FZD3: variants seen among roughly 807,000 people sequenced by gnomAD.
The protein encoded by FZD3 is frizzled class receptor 3.
FZD3 carries 30 observed loss-of-function variants against 60.7 expected under a neutral mutation model. The observed-to-expected ratio is 0.49, with a 90% CI of 0.37 to 0.67. The LOEUF (loss-of-function observed/expected upper bound fraction) is 0.67, where lower values mean the gene tolerates loss of function less well. FZD3 is among the 30% of genes least tolerant of loss of function. The probability of loss-of-function intolerance (pLI) is 0.00; values close to 1 mark genes in which losing one functional copy is unlikely to be tolerated. For missense variants in FZD3, 605 were observed against 838.7 expected, an observed-to-expected ratio of 0.72 and a Z score of 3.44; for synonymous variants, 246 against 275.2, an observed-to-expected ratio of 0.89 and a Z score of 1.05.
rs11299885 is a variant in FZD3 at position 28,564,442 on chromosome 8, T to TA, written c.*1454dup. The TA allele has an allele frequency of 0.24, 26,287 of 111,840 alleles. 3,112 individuals are homozygous for TA. Among genetic ancestry groups the TA allele is most frequent in the East Asian group, 0.31 (1,124 of 3,638 alleles). 6.9% of individuals were successfully genotyped at this position (111,840 alleles called of 1,614,324 possible). ...TACAAATAAGAATTGGTAGCTTTCT[T>TA]AAAAAAAAAAAAAAAAAAAAAAAGC... On this transcript the variant is annotated 3_prime_UTR_variant, in exon 8 of 8. Coordinates refer to ENST00000240093, the MANE Select transcript of FZD3 (RefSeq NM_017412.4).
intron 7 of FZD3, among the ~76,000 whole-genome samples, chr8:28,560,439 C>A (rs1423566114): frequency 1.3e-5 from 2 of 152,028 alleles, no homozygotes; most frequent in Admixed American, 6.5e-5. Flanking sequence ...TCTTAATTAT[C>A]CATGGGCAGG....
At position 28,527,813 on chromosome 8, in the gene FZD3, A is replaced by C; in HGVS notation, c.1053A>C (p.Lys351Asn). 6.2e-7 allele frequency: 1 copy of C among 1,614,118 alleles called. No homozygotes were observed. Among genetic ancestry groups the C allele is most frequent in the South Asian group, 1.1e-5 (1 of 91,084 alleles). The change falls in exon 5 of 8, where the codon AAA becomes AAC. Residue 351 changes from lysine to asparagine, a missense_variant. By Grantham distance (94) the Lys-to-Asn change is moderately conservative. Transcript: ENST00000240093. This position sits in a 1 kb window ranked among gnomAD's most constrained non-coding sequence, Gnocchi z 5.0. ...TLTIILLAMN[K>N]IEGDNISGVC... ...CCATCATCCTTTTAGCGATGAATAA[A>C]ATTGAAGGTGACAATATTAGTGGCG... is the stretch of plus-strand genomic sequence containing the variant.
intron 7 of FZD3, among the ~76,000 whole-genome samples, chr8:28,558,392 G>A (rs1056459901): frequency 1.3e-5 from 2 of 151,484 alleles, no homozygotes; most frequent in East Asian, 1.9e-4. Context: ...TTTATTTGAC[G>A]TTATTGGCCT....
intron 5 of FZD3, among the ~76,000 whole-genome samples, chr8:28,543,912 A>G (rs1805234624): frequency 6.6e-6 from 1 of 152,028 alleles, no homozygotes; most frequent in Non-Finnish European, 1.5e-5. Context: ...CAACTCCTTA[A>G]TTTTCAGTGG....
rs113007280 is a variant in FZD3 at position 28,511,507 on chromosome 8, A to G, written c.189+8305A>G. 9.2e-3 allele frequency among the ~76,000 whole-genome samples: 1,399 copies of G among 152,284 alleles called. 25 individuals carry two copies. The highest frequency in any genetic ancestry group is 0.032 in the African/African-American group (1,312 of 41,548). ...CCATCTCACAAAAATAAAAAATAAA[A>G]TAACAGTGCCAATCCTTGCCTAGAG... is the stretch of plus-strand genomic sequence containing the variant. On this transcript the variant is annotated intron_variant, in intron 3 of 7. Coordinates refer to ENST00000240093, the MANE Select transcript of FZD3 (RefSeq NM_017412.4).
intron 1 of FZD3, among the ~76,000 whole-genome samples, chr8:28,494,592 C>T (rs1358318179): frequency 6.6e-6 from 1 of 151,964 alleles, no homozygotes; most frequent in Non-Finnish European, 1.5e-5. Flanking sequence ...GGCTGGGGGC[C>T]TCGGGGACGC....
Position 28,507,996 on chromosome 8 carries a change from A to G in FZD3, c.189+4794A>G, listed in dbSNP as rs973407156. On this transcript the variant is annotated intron_variant, in intron 3 of 7. Transcript: ENST00000240093. Reference sequence around the variant, plus strand: ...AGCCTGAAGCTCCTAAGCTCAAACAATCCCCCTACCTCAGCCTCCAAAGTA... The same window carrying G: ...AGCCTGAAGCTCCTAAGCTCAAACAGTCCCCCTACCTCAGCCTCCAAAGTA... 3.9e-5 allele frequency among the ~76,000 whole-genome samples: 6 copies of G among 152,054 alleles called. No individual in the cohort carries two copies. The East Asian group carries it at 7.7e-4, about 20-fold the overall frequency.
intron 7 of FZD3, among the ~76,000 whole-genome samples, chr8:28,557,637 G>C (rs1448606611): frequency 1.3e-5 from 2 of 151,982 alleles, no homozygotes; most frequent in African/African-American, 4.8e-5. Flanking sequence ...TGACTATTTT[G>C]AATATTTTTC....
At chr8:28,505,123 CG>C (rs1202420080) in intron 3 of FZD3, 1 of 154,746 alleles carries the variant, frequency 6.5e-6, no homozygotes, top group Non-Finnish European at 1.5e-5. Flanking sequence ...TAGCAAATGA[CG>C]TGGAAACTCA....
intron 5 of FZD3, among the ~76,000 whole-genome samples, chr8:28,541,984 T>G (rs937283029): frequency 6.6e-6 from 1 of 152,206 alleles, no homozygotes; most frequent in African/African-American, 2.4e-5. Context: ...TTCTTTAGTT[T>G]ATTTTCAACA....
intron 3 of FZD3, among the ~76,000 whole-genome samples, chr8:28,508,548 T>C (rs1259336614): frequency 6.6e-6 from 1 of 151,962 alleles, no homozygotes. Flanking sequence ...TCACCCAGGC[T>C]GTAGTGTAGT....
chr8:28,561,168 T>A (rs1805606381), intron 7 of FZD3, among the ~76,000 whole-genome samples: 1 of 152,182 alleles, frequency 6.6e-6, no homozygotes, highest in Admixed American at 6.5e-5. Flanking sequence ...GCAATTCTCC[T>A]GCCTTAGCCT....
chr8:28,525,499 A>G (rs1804693639), intron 4 of FZD3, among the ~76,000 whole-genome samples: 1 of 152,190 alleles, frequency 6.6e-6, no homozygotes, highest in African/African-American at 2.4e-5. Context: ...GAAACAGAGC[A>G]GCAAGTACAG....
At chr8:28,537,423 A>G (rs1585983399) in intron 5 of FZD3, among the ~76,000 whole-genome samples, 1 of 152,252 alleles carries the variant, frequency 6.6e-6, no homozygotes, top group Admixed American at 6.5e-5. Context: ...TGTACTTGCC[A>G]TTATCTACAG....
rs1315066458 is a variant in FZD3, at chr8:28,573,417, GAT to G, written c.*10408_*10409del. 1 of 151,912 alleles carries G rather than the reference GAT, an allele frequency of 6.6e-6. No homozygotes were observed. The highest frequency in any genetic ancestry group is 1.5e-5 in the Non-Finnish European group (1 of 67,978). The allele number at this position is 151,912 out of a possible 1,614,324, so 9.4% of individuals were successfully genotyped here. A position where few individuals can be genotyped will look rare whatever the true frequency, so the allele number is the denominator to read the frequency against. On this transcript the variant is annotated 3_prime_UTR_variant, in exon 8 of 8. Transcript: ENST00000240093. ...TTGATGGGACTATTTTGAGGCAAGA[GAT>G]ACCATTAAGTGACCTAGCTTGGAAA...
chr8:28,545,106 G>A (rs542014582), intron 5 of FZD3, among the ~76,000 whole-genome samples: 2 of 152,260 alleles, frequency 1.3e-5, no homozygotes, highest in African/African-American at 4.8e-5. Flanking sequence ...CCCCCACTGA[G>A]GTTTAAGTTT....
Position 28,503,024 on chromosome 8 carries a change from C to T in FZD3, c.11C>T (p.Thr4Ile), listed in dbSNP as rs140115204. MAM[T>I]WIVFSLWPLT... ...TCAGACCCAGGAAGGATGGCTATGA[C>T]TTGGATTGTCTTCTCTCTTTGGCCC... The change falls in exon 3 of 8, where the codon ACT (threonine) becomes ATT (isoleucine). Residue 4 changes from threonine (T) to isoleucine (I), a missense_variant. Transcript: ENST00000240093. 1 of 1,611,974 alleles carries T rather than the reference C, an allele frequency of 6.2e-7. No individual in the cohort carries two copies. Among genetic ancestry groups the T allele is most frequent in the Non-Finnish European group, 8.5e-7 (1 of 1,178,606 alleles).
In FZD3 at chr8:28,566,750, T is replaced by G. The variant is rs1356462717; in HGVS notation, c.*3739T>G. ...ACATGCCAAAGGTACATTTACATATTACCATATTTGGATGACTTACATAGT... is the reference window on the plus strand; with the variant it reads ...ACATGCCAAAGGTACATTTACATATGACCATATTTGGATGACTTACATAGT... On this transcript the variant is annotated 3_prime_UTR_variant, in exon 8 of 8. Transcript: ENST00000240093. 1 of 152,184 alleles carries G rather than the reference T, an allele frequency of 6.6e-6. No homozygotes were observed. Among genetic ancestry groups the G allele is most frequent in the African/African-American group, 2.4e-5 (1 of 41,448 alleles). The allele number at this position is 152,184 out of a possible 1,614,324, so 9.4% of individuals were successfully genotyped here.
chr8:28,522,109 T>TC lies in FZD3; in HGVS notation c.386+1275_386+1276insC, dbSNP rs1274891294. Among the ~76,000 whole-genome samples the TC allele has an allele frequency of 1.9e-3, 284 of 148,882 alleles. 3 individuals carry two copies. The highest frequency in any genetic ancestry group is 4.3e-3 in the South Asian group (20 of 4,674). ...TTTGTTTTCTTTTCTCTTCTCTTTT[T>TC]TTTTTTTTTTTTTGAGATGGAATCT... On this transcript the variant is annotated intron_variant, in intron 4 of 7. Transcript: ENST00000240093.
Sources: gnomAD v4.1 joint callset for allele counts (sites outside exome capture counted in the v4.1 genomes callset) on GRCh38, gnomAD v4.1.1 for gene constraint, Gnocchi (gnomAD v3.1) non-coding constraint, MANE v1.5 for transcripts, NCBI Gene and HGNC (gene_info 2026-07-23, HGNC 2026-07-21) for gene names.